The following SORCS3 variants were observed in gnomAD, a reference collection of about 807,000 sequenced individuals.
The protein encoded by SORCS3 is sortilin related VPS10 domain containing receptor 3, also known as VPS10 domain-containing receptor SorCS3.
SORCS3 carries 57 observed loss-of-function variants against 146.3 expected under a neutral mutation model. The ratio of observed to expected loss-of-function variants is 0.39; its 90% CI spans 0.31 to 0.49. The LOEUF (loss-of-function observed/expected upper bound fraction) is 0.49, where lower values mean the gene tolerates loss of function less well. Among genes scored for constraint, SORCS3 ranks in the 20% least tolerant of loss-of-function variants. SORCS3 has a pLI of 0.92. For synonymous variants in SORCS3, 653 were observed against 618.5 expected (o/e 1.06, Z -0.83); for missense variants, 1,341 against 1,575.5 (o/e 0.85, Z 2.52).
intron 17 of SORCS3, among the ~76,000 whole-genome samples, chr10:105,213,393 G>A (rs2056646026): frequency 6.6e-6 from 1 of 152,116 alleles, no homozygotes; most frequent in African/African-American, 2.4e-5. Context: ...CAACATAGAT[G>A]GATTTGTTAA....
intron 1 of SORCS3, among the ~76,000 whole-genome samples, chr10:104,817,226 T>A (rs2017807465): frequency 1.3e-5 from 2 of 152,176 alleles, no homozygotes; most frequent in African/African-American, 4.8e-5. Flanking sequence ...TCCAGGAAAT[T>A]AAGGGAAACT....
At position 104,977,921 on chromosome 10, in the gene SORCS3, G is replaced by A. The variant is rs141403507; in HGVS notation, c.954+428G>A. Among the ~76,000 whole-genome samples the A allele has an allele frequency of 5.0e-3, 761 of 151,672 alleles. 9 individuals are homozygous for A. The highest frequency in any genetic ancestry group is 0.018 in the African/African-American group (745 of 41,392). ...TAATTTTTGTATTTTTAGTAGAGAC[G>A]GGGTTTCACCAAGTTGGCCAGGATG... On this transcript the variant is annotated intron_variant, in intron 4 of 26. Coordinates refer to ENST00000369701, the MANE Select transcript of SORCS3 (RefSeq NM_014978.3).
At chr10:104,858,500 C>T (rs1434654303) in intron 2 of SORCS3, among the ~76,000 whole-genome samples, 2 of 152,168 alleles carry the variant, frequency 1.3e-5, no homozygotes, top group Non-Finnish European at 2.9e-5. Context: ...TGTTCTGGTG[C>T]ATATCTCGAT....
intron 7 of SORCS3, among the ~76,000 whole-genome samples, chr10:105,118,238 T>C (rs932795585): frequency 4.6e-5 from 7 of 152,150 alleles, no homozygotes; most frequent in African/African-American, 1.7e-4. Flanking sequence ...TGAGATCTGA[T>C]GGTTTTTTAA....
intron 20 of SORCS3, among the ~76,000 whole-genome samples, chr10:105,241,988 G>T (rs1261557832): frequency 6.6e-6 from 1 of 152,006 alleles, no homozygotes; most frequent in African/African-American, 2.4e-5. Context: ...CCAGTCCAAA[G>T]ATTTAACTTG....
At chr10:104,693,556 C>T (rs1218201033) in intron 1 of SORCS3, among the ~76,000 whole-genome samples, 3 of 152,100 alleles carry the variant, frequency 2.0e-5, no homozygotes, top group Admixed American at 6.5e-5. Context: ...GGATTATGAC[C>T]GCAACCTTGA....
chr10:105,140,672 C>T (rs2056089051), intron 8 of SORCS3, among the ~76,000 whole-genome samples: 1 of 152,120 alleles, frequency 6.6e-6, no homozygotes, highest in Admixed American at 6.5e-5. Flanking sequence ...AAAATATATG[C>T]ATAGGCTCGA....
chr10:104,903,003 A>G (rs2018867779), intron 2 of SORCS3, among the ~76,000 whole-genome samples: 1 of 152,218 alleles, frequency 6.6e-6, no homozygotes, highest in Non-Finnish European at 1.5e-5. Flanking sequence ...TTGCCATGTG[A>G]TACTTTGTGA....
intron 8 of SORCS3, among the ~76,000 whole-genome samples, chr10:105,142,597 C>G (rs2119454544): frequency 6.6e-6 from 1 of 152,268 alleles, no homozygotes; most frequent in South Asian, 2.1e-4. Context: ...GGAACAGCCC[C>G]CCTTAACAGC....
At chr10:105,122,623 G>A (rs567639335) in intron 7 of SORCS3, among the ~76,000 whole-genome samples, 16 of 152,302 alleles carry the variant, frequency 1.1e-4, no homozygotes, top group Non-Finnish European at 2.1e-4. Context: ...GACGGAGAAC[G>A]TGTCAGTCCT....
intron 20 of SORCS3, among the ~76,000 whole-genome samples, chr10:105,224,520 G>T (rs1489093491): frequency 6.6e-6 from 1 of 152,052 alleles, no homozygotes; most frequent in Non-Finnish European, 1.5e-5. Flanking sequence ...TCTAAGTTTT[G>T]GCAATAATGA....
At chr10:105,050,044 C>A (rs1226840313) in intron 5 of SORCS3, among the ~76,000 whole-genome samples, 1 of 151,958 alleles carries the variant, frequency 6.6e-6, no homozygotes, top group East Asian at 1.9e-4. Flanking sequence ...CATACACACA[C>A]ACACACACAC....
At chr10:105,196,006 C>T (rs1043101392) in intron 14 of SORCS3, among the ~76,000 whole-genome samples, 3 of 151,946 alleles carry the variant, frequency 2.0e-5, no homozygotes, top group Non-Finnish European at 4.4e-5. Flanking sequence ...CAAAGAAATG[C>T]ACATGAAAGG....
chr10:104,683,833 G>A (rs1406128667), intron 1 of SORCS3, among the ~76,000 whole-genome samples: 1 of 152,164 alleles, frequency 6.6e-6, no homozygotes, highest in Non-Finnish European at 1.5e-5. Flanking sequence ...TGCTGCATGT[G>A]TTTGGTAAGC....
intron 5 of SORCS3, among the ~76,000 whole-genome samples, chr10:105,054,522 CTT>C (rs900753595): frequency 2.2e-4 from 34 of 151,246 alleles, no homozygotes; most frequent in African/African-American, 6.3e-4. Context: ...ATTTTAATAA[CTT>C]AATAATTTTC....
intron 5 of SORCS3, among the ~76,000 whole-genome samples, chr10:105,064,241 A>G (rs1431420244): frequency 4.6e-5 from 7 of 152,216 alleles, no homozygotes; most frequent in African/African-American, 1.7e-4. Context: ...TAAGATGATT[A>G]AAGGTTGCCA....
intron 11 of SORCS3, among the ~76,000 whole-genome samples, chr10:105,163,964 C>G (rs2056290273): frequency 6.6e-6 from 1 of 151,852 alleles, no homozygotes; most frequent in African/African-American, 2.4e-5. Context: ...CCATATGTGT[C>G]TACTCTTCCA....
intron 20 of SORCS3, among the ~76,000 whole-genome samples, chr10:105,244,353 G>GT (rs1329974692): frequency 2.6e-5 from 4 of 151,428 alleles, no homozygotes; most frequent in Non-Finnish European, 4.4e-5. Flanking sequence ...TATGTGGGTT[G>GT]TTTTTTTTCA....
intron 1 of SORCS3, among the ~76,000 whole-genome samples, chr10:104,819,581 C>T (rs1396784820): frequency 1.3e-5 from 2 of 152,154 alleles, no homozygotes; most frequent in African/African-American, 4.8e-5. Flanking sequence ...ATGAACTTTT[C>T]CTTGGAGCGG....
Sources: allele counts gnomAD v4.1 joint callset (sites outside exome capture counted in the v4.1 genomes callset), GRCh38; gene constraint gnomAD v4.1.1; transcripts MANE v1.5; gene names NCBI Gene and HGNC (gene_info 2026-07-23, HGNC 2026-07-21).